The following TTC1 variants were observed in gnomAD, a reference collection of about 807,000 sequenced individuals.
TTC1 encodes tetratricopeptide repeat protein 1.
In TTC1, 31 loss-of-function variants were observed where a neutral mutation model predicts 37.6. That is an observed-to-expected ratio of 0.82 (90% CI 0.62 to 1.11). The LOEUF (loss-of-function observed/expected upper bound fraction) is 1.11. Among genes scored for constraint, TTC1 ranks in the 50% most tolerant of loss-of-function variants. The pLI, the probability that TTC1 is intolerant of heterozygous loss-of-function variation, is 0.00. For missense variants in TTC1, 351 were observed against 339.0 expected (o/e 1.04, Z -0.28); for synonymous variants, 127 against 122.4 (o/e 1.04, Z -0.25).
intron 7 of TTC1, among the ~76,000 whole-genome samples, chr5:160,059,768 C>T (rs1330657488): frequency 2.0e-5 from 3 of 152,102 alleles, no homozygotes; most frequent in Non-Finnish European, 1.5e-5. Context: ...TAAATAGTAA[C>T]CTCACAGATC....
chr5:160,025,946 C>T (rs562522163), intron 2 of TTC1, among the ~76,000 whole-genome samples: 3 of 152,168 alleles, frequency 2.0e-5, no homozygotes, highest in Admixed American at 1.3e-4. Flanking sequence ...TTTAACTTGG[C>T]GTAAAGTGGG....
chr5:160,052,426 G>A (rs949031953), intron 7 of TTC1, among the ~76,000 whole-genome samples: 6 of 151,894 alleles, frequency 4.0e-5, no homozygotes, highest in Non-Finnish European at 8.8e-5. Flanking sequence ...GTTAGAGGCT[G>A]CAGTGAGCTA....
At position 160,057,980 on chromosome 5, in the gene TTC1, T is replaced by A. The variant is rs1340278958; in HGVS notation, c.745+6797T>A. Among the ~76,000 whole-genome samples the A allele has an allele frequency of 6.6e-6, 1 of 152,218 alleles. No homozygotes were observed. The highest frequency in any genetic ancestry group is 1.9e-4 in the East Asian group (1 of 5,200). ...TGGGTTTTCACCATGTTGGCCAGGC[T>A]GGTCTCGAACTCCTGAACTCAGGTG... On this transcript the variant is annotated intron_variant, in intron 7 of 7. Coordinates refer to ENST00000231238, the MANE Select transcript of TTC1 (RefSeq NM_003314.3). This position sits in a 1 kb window ranked among gnomAD's most constrained non-coding sequence, Gnocchi z 4.4.
chr5:160,060,814 G>C (rs1033344630), intron 7 of TTC1, among the ~76,000 whole-genome samples: 4 of 152,186 alleles, frequency 2.6e-5, no homozygotes, highest in Admixed American at 1.3e-4. Flanking sequence ...AAAACTTGTT[G>C]ATTCTACCAT....
chr5:160,010,692 AG>A lies in TTC1; in HGVS notation c.166del (p.Asp56ThrfsTer32). ...AGGGATGATGAGGCCCATCTCCAGG[AG>A]GACCAGGGAGAAGAGGAGTGTTTTC... ...LLRDDEAHLQ[E>X]DQGEEECFHD... On this transcript the variant is annotated frameshift_variant, in exon 2 of 8. Coordinates refer to ENST00000231238, the MANE Select transcript of TTC1 (RefSeq NM_003314.3). LOFTEE classifies it high-confidence loss of function. The A allele has an allele frequency of 1.2e-6, 2 of 1,613,808 alleles. No homozygotes were observed. Among genetic ancestry groups the A allele is most frequent in the Non-Finnish European group, 1.7e-6 (2 of 1,179,858 alleles).
At chr5:160,033,827 A>G (rs1756958289) in intron 2 of TTC1, among the ~76,000 whole-genome samples, 1 of 152,230 alleles carries the variant, frequency 6.6e-6, no homozygotes, top group South Asian at 2.1e-4. Context: ...TAAAAGGACC[A>G]ATTGTTTAGG....
chr5:160,010,890 C>A, intron 2 of TTC1, 32 bp downstream of exon 2: 3 of 1,573,806 alleles, frequency 1.9e-6, no homozygotes, highest in Non-Finnish European at 2.6e-6. Flanking sequence ...CAAGATCTGC[C>A]ACTTACACTG....
At chr5:160,051,301 C>T in intron 7 of TTC1, 118 bp downstream of exon 7, 1 of 762,560 alleles carries the variant, frequency 1.3e-6, no homozygotes. Context: ...CACAAGGCTA[C>T]TGACTTCTGA....
chr5:160,028,298 CAAA>C (rs61408395), intron 2 of TTC1, among the ~76,000 whole-genome samples: 9 of 79,682 alleles, frequency 1.1e-4, no homozygotes, highest in Admixed American at 1.2e-4. Flanking sequence ...GACTCCGTCT[CAAA>C]AAAAAAAAAA....
intron 2 of TTC1, among the ~76,000 whole-genome samples, chr5:160,024,692 T>C (rs1756771234): frequency 6.7e-6 from 1 of 150,212 alleles, no homozygotes; most frequent in African/African-American, 2.5e-5. Flanking sequence ...GGATATGGGG[T>C]TTTGCTTTGT....
chr5:160,064,275 C>T (rs963685381), intron 7 of TTC1, among the ~76,000 whole-genome samples: 1 of 152,134 alleles, frequency 6.6e-6, no homozygotes, highest in Non-Finnish European at 1.5e-5. Flanking sequence ...ATCCTATATA[C>T]CTCACCCAAG....
intron 6 of TTC1, 142 bp from the exon 7 acceptor site, chr5:160,050,987 T>TA (rs1207878675): frequency 5.1e-6 from 3 of 591,234 alleles, no homozygotes; most frequent in African/African-American, 1.9e-5. Context: ...GTTTTTTTTT[T>TA]TTATTTAATA....
At chr5:160,034,962 G>A (rs1238363956) in intron 2 of TTC1, among the ~76,000 whole-genome samples, 178 bp from the exon 3 acceptor site, 2 of 152,198 alleles carry the variant, frequency 1.3e-5, no homozygotes, top group Non-Finnish European at 2.9e-5. Flanking sequence ...TTGATAATTA[G>A]CCTGATGGTC....
chr5:160,060,315 A>C (rs1757663857), intron 7 of TTC1, among the ~76,000 whole-genome samples: 1 of 152,230 alleles, frequency 6.6e-6, no homozygotes, highest in Non-Finnish European at 1.5e-5. Context: ...ATAACAAATC[A>C]ATTGGGTTAT....
At chr5:160,043,043 C>G (rs1757128344) in intron 4 of TTC1, 90 bp from the exon 5 acceptor site, 2 of 1,288,112 alleles carry the variant, frequency 1.6e-6, no homozygotes, top group Non-Finnish European at 2.2e-6. Context: ...TCTCCATAAG[C>G]AGTTATTAGT....
chr5:160,037,785 T>G (rs956059953), intron 4 of TTC1, among the ~76,000 whole-genome samples: 3 of 152,182 alleles, frequency 2.0e-5, no homozygotes, highest in Admixed American at 6.5e-5. Flanking sequence ...AGAGTGGTTT[T>G]TTTTTTTTTT....
intron 2 of TTC1, among the ~76,000 whole-genome samples, chr5:160,028,266 T>G (rs1756844255): frequency 7.1e-6 from 1 of 140,132 alleles, no homozygotes; most frequent in African/African-American, 2.7e-5. Context: ...ACCACTGCAC[T>G]CCAGCATAGG....
At chr5:160,054,799 C>G (rs1757500524) in intron 7 of TTC1, among the ~76,000 whole-genome samples, 1 of 151,880 alleles carries the variant, frequency 6.6e-6, no homozygotes, top group Non-Finnish European at 1.5e-5. Flanking sequence ...TATATCTAAG[C>G]CTTTATGGGT....
chr5:160,025,870 A>G (rs1756794485), intron 2 of TTC1, among the ~76,000 whole-genome samples: 1 of 152,226 alleles, frequency 6.6e-6, no homozygotes, highest in African/African-American at 2.4e-5. Context: ...ACTTGGGACT[A>G]TAGATGTGCA....
Sources: gnomAD v4.1 joint callset for allele counts (sites outside exome capture counted in the v4.1 genomes callset) on GRCh38, gnomAD v4.1.1 for gene constraint, Gnocchi (gnomAD v3.1) non-coding constraint, MANE v1.5 for transcripts, NCBI Gene and HGNC (gene_info 2026-07-23, HGNC 2026-07-21) for gene names.